TK2: variants seen among roughly 807,000 people sequenced by gnomAD.
TK2 encodes the protein thymidine kinase 2, mitochondrial.
In TK2, 35 loss-of-function variants were observed where a neutral mutation model predicts 41.9. The observed-to-expected ratio is 0.84, with a 90% CI of 0.64 to 1.11. The LOEUF is 1.11. TK2 is among the 50% of genes least tolerant of loss of function. The probability of loss-of-function intolerance (pLI) is 0.00; values close to 1 mark genes in which losing one functional copy is unlikely to be tolerated. For missense variants in TK2, 320 were observed against 351.1 expected, an observed-to-expected ratio of 0.91 and a Z score of 0.71; for synonymous variants, 128 against 129.1, an observed-to-expected ratio of 0.99 and a Z score of 0.06.
At chr16:66,529,858 T>C (rs1027715315) in intron 5 of TK2, among the ~76,000 whole-genome samples, 11 of 152,118 alleles carry the variant, frequency 7.2e-5, no homozygotes, top group African/African-American at 2.7e-4. Flanking sequence ...TCCTTTCCAT[T>C]CTTCCATCCT....
At chr16:66,548,925 C>T in intron 2 of TK2, 53 bp downstream of exon 2, 2 of 1,547,284 alleles carry the variant, frequency 1.3e-6, no homozygotes, top group Non-Finnish European at 1.8e-6. Context: ...TTTTCTCTCT[C>T]CTCTTCAAAA....
chr16:66,549,886 A>G, intron 1 of TK2, 52 bp downstream of exon 1: 12 of 1,307,726 alleles, frequency 9.2e-6, no homozygotes, highest in Non-Finnish European at 1.2e-5. Flanking sequence ...AGGGGCCGGG[A>G]GTAGGTGGGC....
intron 3 of TK2, among the ~76,000 whole-genome samples, chr16:66,539,331 G>A (rs1740528961): frequency 6.6e-6 from 1 of 152,164 alleles, no homozygotes; most frequent in Non-Finnish European, 1.5e-5. Flanking sequence ...GGGCACGGTG[G>A]CTCACGCCTG....
At chr16:66,518,536 A>C (rs1964683974) in intron 6 of TK2, among the ~76,000 whole-genome samples, 1 of 152,206 alleles carries the variant, frequency 6.6e-6, no homozygotes, top group Middle Eastern at 3.2e-3. Context: ...GACTCAAACA[A>C]AACAAAAAAA....
At chr16:66,528,185 C>T (rs1218111504) in intron 6 of TK2, among the ~76,000 whole-genome samples, 2 of 152,156 alleles carry the variant, frequency 1.3e-5, no homozygotes, top group African/African-American at 2.4e-5. Context: ...CGTTGACATC[C>T]GAACAGCTCT....
At chr16:66,549,784 G>A (rs982277057) in intron 1 of TK2, 154 bp downstream of exon 1, 6 of 1,282,396 alleles carry the variant, frequency 4.7e-6, no homozygotes, top group Non-Finnish European at 5.9e-6. Context: ...CCCGGGTAAC[G>A]GCCGATGGCC....
At chr16:66,525,069 G>A (rs913782558) in intron 6 of TK2, 5 of 152,222 alleles carry the variant, frequency 3.3e-5, no homozygotes, top group African/African-American at 1.2e-4. Context: ...TGCCCAATAG[G>A]GTCAACAACC....
chr16:66,520,211 G>A (rs989502071), intron 6 of TK2, among the ~76,000 whole-genome samples: 1 of 152,302 alleles, frequency 6.6e-6, no homozygotes, highest in South Asian at 2.1e-4. Context: ...CAGCATTGCA[G>A]AGGGGACTCC....
Position 66,514,353 on chromosome 16 carries a change from G to A in TK2, c.619-542C>T, listed in dbSNP as rs1338292888. Reference sequence around the variant, plus strand: ...CCGGGCTGGTCTCCAGCTCCTAACCGCGAGTGATCCGCCAGCCTCGGCCTC... The same window carrying A: ...CCGGGCTGGTCTCCAGCTCCTAACCACGAGTGATCCGCCAGCCTCGGCCTC... On this transcript the variant is annotated intron_variant, in intron 8 of 9. Transcript: ENST00000544898. The surrounding 1 kb of genome is among the most constrained non-coding windows in gnomAD (Gnocchi z 4.2). Among the ~76,000 whole-genome samples the A allele has an allele frequency of 3.9e-5, 6 of 152,242 alleles. No individual in the cohort carries two copies. The highest frequency in any genetic ancestry group is 5.9e-5 in the Non-Finnish European group (4 of 68,040).
chr16:66,544,995 G>C (rs552615282), intron 2 of TK2, among the ~76,000 whole-genome samples: 6 of 151,568 alleles, frequency 4.0e-5, no homozygotes, highest in Admixed American at 2.6e-4. Context: ...GCTGATGCAA[G>C]AGAATCGCTT....
rs2144320071 is a variant in TK2, at chr16:66,508,376, C to T, written c.*3592G>A. On this transcript the variant is annotated 3_prime_UTR_variant, in exon 10 of 10. Transcript: ENST00000544898. ...AAAGTGTGTGCCAGTAACCCTGAGG[C>T]CTTCAGTGAGTAATCCTGGCCAAGC... is the stretch of plus-strand genomic sequence containing the variant. 1 of 152,372 alleles carries T rather than the reference C, an allele frequency of 6.6e-6. No homozygotes were observed. The highest frequency in any genetic ancestry group is 3.4e-3 in the Middle Eastern group (1 of 294). The allele number at this position is 152,372 out of a possible 1,614,324, so 9.4% of individuals were successfully genotyped here.
At chr16:66,536,194 C>T (rs866822403) in intron 4 of TK2, among the ~76,000 whole-genome samples, 4 of 145,532 alleles carry the variant, frequency 2.7e-5, no homozygotes, top group African/African-American at 7.7e-5. Flanking sequence ...CAGACTGAGA[C>T]TCCATCTCAA....
chr16:66,542,224 G>A (rs1175545506), intron 2 of TK2, among the ~76,000 whole-genome samples: 1 of 152,134 alleles, frequency 6.6e-6, no homozygotes, highest in South Asian at 2.1e-4. Context: ...CAGCTTGTCT[G>A]CCCAGCCCAG....
intron 2 of TK2, among the ~76,000 whole-genome samples, chr16:66,545,306 C>T (rs1444521996): frequency 6.6e-6 from 1 of 152,090 alleles, no homozygotes; most frequent in Non-Finnish European, 1.5e-5. Flanking sequence ...ACCCAGGGTT[C>T]CAGAGGCAAA....
intron 6 of TK2, among the ~76,000 whole-genome samples, chr16:66,521,229 A>G (rs1450981798): frequency 1.3e-5 from 2 of 152,216 alleles, no homozygotes; most frequent in Non-Finnish European, 2.9e-5. Context: ...GTCACAGTAC[A>G]CGGGGGTCTG....
At chr16:66,530,845 G>A (rs1464585888) in intron 5 of TK2, among the ~76,000 whole-genome samples, 1 of 151,758 alleles carries the variant, frequency 6.6e-6, no homozygotes, top group East Asian at 1.9e-4. Context: ...AGCCTCCCAA[G>A]TGGCTGGGAT....
At chr16:66,513,914 G>A in intron 8 of TK2, 103 bp from the exon 9 acceptor site, 1 of 994,958 alleles carries the variant, frequency 1.0e-6, no homozygotes. Flanking sequence ...ACCATGGGCA[G>A]TGACTCAGAC....
chr16:66,519,178 G>A (rs1003111035), intron 6 of TK2, among the ~76,000 whole-genome samples: 1 of 146,024 alleles, frequency 6.8e-6, no homozygotes, highest in African/African-American at 2.6e-5. Flanking sequence ...AGCCAGGATG[G>A]TCTATTTTTT....
rs1242390521 is a variant in TK2, at chr16:66,549,027, T to A, written c.125-18A>T. The A allele has an allele frequency of 6.2e-7, 1 of 1,613,404 alleles. No homozygotes were observed. Among genetic ancestry groups the A allele is most frequent in the Non-Finnish European group, 8.5e-7 (1 of 1,179,600 alleles). ...TTCTTTATCTACAAAAGAAAGGAAA[T>A]CAGTTTTTAAACTCACTTTTAAATA... On this transcript the variant is annotated intron_variant, in intron 1 of 9. Transcript: ENST00000544898.
Sources: allele counts gnomAD v4.1 joint callset (sites outside exome capture counted in the v4.1 genomes callset), GRCh38; gene constraint gnomAD v4.1.1; non-coding constraint Gnocchi (gnomAD v3.1); transcripts MANE v1.5; gene names NCBI Gene and HGNC (gene_info 2026-07-23, HGNC 2026-07-21).